The following UBR2 variants were observed in gnomAD, a reference collection of about 807,000 sequenced individuals.
The protein encoded by UBR2 is E3 ubiquitin-protein ligase UBR2.
Under a neutral mutation model 247.9 loss-of-function variants are expected in UBR2, and 92 were observed. The observed-to-expected ratio is 0.37, with a 90% CI of 0.31 to 0.44. The LOEUF (loss-of-function observed/expected upper bound fraction) is 0.44, where lower values mean the gene tolerates loss of function less well. Ranked by LOEUF, UBR2 falls within the 20% of genes least tolerant of loss-of-function variation. The pLI, the probability that UBR2 is intolerant of heterozygous loss-of-function variation, is 1.00. For synonymous variants in UBR2, 672 were observed against 693.5 expected, an observed-to-expected ratio of 0.97 and a Z score of 0.49; for missense variants, 1,613 against 2,112.6, an observed-to-expected ratio of 0.76 and a Z score of 4.64.
intron 36 of UBR2, 109 bp downstream of exon 36, chr6:42,670,824 C>G: frequency 1.3e-6 from 1 of 783,016 alleles, no homozygotes; most frequent in Non-Finnish European, 2.0e-6. Context: ...TCACTTCTTT[C>G]GTAGTAAAAA....
At chr6:42,664,586 A>G (rs563027886) in intron 32 of UBR2, among the ~76,000 whole-genome samples, 2 of 152,336 alleles carry the variant, frequency 1.3e-5, no homozygotes, top group African/African-American at 2.4e-5. Flanking sequence ...TTCTTAGTCT[A>G]TGCTACCACA....
chr6:42,639,140 G>A (rs1431552213), intron 15 of UBR2, among the ~76,000 whole-genome samples: 1 of 152,200 alleles, frequency 6.6e-6, no homozygotes, highest in Non-Finnish European at 1.5e-5. Context: ...TACAAATGGA[G>A]CAGTAAATGT....
chr6:42,628,508 G>T (rs1187240196), intron 11 of UBR2, among the ~76,000 whole-genome samples: 1 of 152,114 alleles, frequency 6.6e-6, no homozygotes, highest in African/African-American at 2.4e-5. Context: ...GATCACTTGA[G>T]GTCAGGAGTT....
intron 25 of UBR2, among the ~76,000 whole-genome samples, chr6:42,654,702 A>T (rs1224786203): frequency 6.6e-6 from 1 of 152,242 alleles, no homozygotes; most frequent in South Asian, 2.1e-4. Context: ...AGCCTGGGCA[A>T]CAGAGGGAGA....
At chr6:42,685,115 C>A (rs1045252326) in intron 44 of UBR2, among the ~76,000 whole-genome samples, 1 of 152,226 alleles carries the variant, frequency 6.6e-6, no homozygotes. Context: ...GGAGTTCCAG[C>A]CTGGCCAAAC....
At chr6:42,620,189 C>G (rs766985093) in intron 11 of UBR2, 57 of 257,732 alleles carry the variant, frequency 2.2e-4, no homozygotes, top group Non-Finnish European at 3.0e-4. Context: ...TTTTACCAGT[C>G]TTTTAAGATT....
Position 42,564,419 on chromosome 6 carries a change from G to C in UBR2, c.78+22G>C, listed in dbSNP as rs138911007. ...GGGGGTGAGTGCCGGAACCCGGGCG[G>C]GTGCGTCTGCCCCTCGCAGGCCGCG... On this transcript the variant is annotated intron_variant, in intron 1 of 46. Transcript: ENST00000372901. The C allele has an allele frequency of 7.2e-4, 1,148 of 1,603,126 alleles. 4 individuals carry two copies. In the African/African-American group the frequency reaches 0.014, roughly 19 times the overall value.
At chr6:42,593,235 T>G (rs1430515518) in intron 3 of UBR2, among the ~76,000 whole-genome samples, 1 of 152,092 alleles carries the variant, frequency 6.6e-6, no homozygotes, top group African/African-American at 2.4e-5. Flanking sequence ...TATTCTTGTC[T>G]GTTCATTAGT....
rs571084557 is a variant in UBR2 at position 42,689,307 on chromosome 6, C to T, written c.5025-262C>T. On this transcript the variant is annotated intron_variant, in intron 45 of 46. Transcript: ENST00000372901. The surrounding 1 kb of genome is among the most constrained non-coding windows in gnomAD (Gnocchi z 4.0). Reference sequence around the variant, plus strand: ...CCCAGTACCTTGATAATTTCTTATACGTATTAGGTCCTCAATAAATGTCTG... The same window carrying T: ...CCCAGTACCTTGATAATTTCTTATATGTATTAGGTCCTCAATAAATGTCTG... Among the ~76,000 whole-genome samples the T allele has an allele frequency of 2.6e-5, 4 of 152,274 alleles. No homozygotes were observed. The South Asian group carries it at 6.2e-4, about 24-fold the overall frequency.
intron 8 of UBR2, among the ~76,000 whole-genome samples, chr6:42,614,217 TACACAC>T (rs576036792): frequency 0.09 from 5,523 of 61,706 alleles, 635 homozygotes; most frequent in Non-Finnish European, 0.14. Flanking sequence ...TATATATATA[TACACAC>T]ACACACACAC....
chr6:42,594,265 A>G lies in UBR2; in HGVS notation c.492A>G (p.Gln164=). ...CCTGGAAAGAGGGTCCTTACTGTCA[A>G]AAACATGAACTTAACACCTCTGAAA... ...TEAWKEGPYC[Q]KHELNTSEIE... Residue 164 remains glutamine, a synonymous_variant, in exon 4 of 47, where the codon CAA becomes CAG. Coordinates refer to ENST00000372901, the MANE Select transcript of UBR2 (RefSeq NM_001363705.2). 1 of 1,613,074 alleles carries G rather than the reference A, an allele frequency of 6.2e-7. No homozygotes were observed. Among genetic ancestry groups the G allele is most frequent in the Non-Finnish European group, 8.5e-7 (1 of 1,179,278 alleles).
intron 25 of UBR2, among the ~76,000 whole-genome samples, 156 bp from the exon 26 acceptor site, chr6:42,655,465 A>AG (rs1797389074): frequency 6.6e-6 from 1 of 151,930 alleles, no homozygotes; most frequent in East Asian, 1.9e-4. Context: ...AAAAAAAAAA[A>AG]AGAAAAAAAA....
intron 25 of UBR2, among the ~76,000 whole-genome samples, chr6:42,653,142 T>C (rs1378840852): frequency 6.6e-6 from 1 of 152,230 alleles, no homozygotes; most frequent in Non-Finnish European, 1.5e-5. Flanking sequence ...TGGAGTGCAG[T>C]GGTGCAATCT....
intron 2 of UBR2, among the ~76,000 whole-genome samples, chr6:42,587,835 G>C (rs370811725): frequency 6.6e-6 from 1 of 150,754 alleles, no homozygotes; most frequent in African/African-American, 2.5e-5. Flanking sequence ...GAATGTGCCC[G>C]ATCTCATCTG....
chr6:42,622,405 G>GTTTTTTTTTTTTTTTTTTTTTTTTTT (rs112798050), intron 11 of UBR2, among the ~76,000 whole-genome samples: 1 of 138,778 alleles, frequency 7.2e-6, no homozygotes, highest in East Asian at 2.1e-4. Flanking sequence ...TTTTTGGTGG[G>GTTTTTTTTTTTTTTTTTTTTTTTTTT]TTTTTTTTTT....
At chr6:42,635,676 C>T in intron 14 of UBR2, 130 bp downstream of exon 14, 3 of 1,096,436 alleles carry the variant, frequency 2.7e-6, no homozygotes, top group Non-Finnish European at 3.8e-6. Context: ...AGCGTATTTT[C>T]CTTCTCCACC....
In UBR2 at chr6:42,659,540, C is replaced by CACACACACACACACACACACT. The variant is rs1797668426; in HGVS notation, c.3243-96_3243-95insTACACACACACACACACACAC. On this transcript the variant is annotated intron_variant, in intron 29 of 46. Coordinates refer to ENST00000372901, the MANE Select transcript of UBR2 (RefSeq NM_001363705.2). The surrounding 1 kb of genome is among the most constrained non-coding windows in gnomAD (Gnocchi z 4.3). ...ATATATACACACACACACACACACA[C>CACACACACACACACACACACT]ACACACACACACACACACACACTAC... is the stretch of plus-strand genomic sequence containing the variant. 1 of 685,284 alleles carries CACACACACACACACACACACT rather than the reference C, an allele frequency of 1.5e-6. No individual in the cohort carries two copies. Among genetic ancestry groups the CACACACACACACACACACACT allele is most frequent in the African/African-American group, 1.9e-5 (1 of 52,672 alleles). The allele number at this position is 685,284 out of a possible 1,614,324, so 42.5% of individuals were successfully genotyped here. A position where few individuals can be genotyped will look rare whatever the true frequency, so the allele number is the denominator to read the frequency against.
chr6:42,683,898 A>G (rs1799199338), intron 43 of UBR2, among the ~76,000 whole-genome samples: 1 of 152,242 alleles, frequency 6.6e-6, no homozygotes, highest in African/African-American at 2.4e-5. Context: ...AGCATCTCAG[A>G]TAAGGGATAC....
intron 4 of UBR2, 96 bp downstream of exon 4, chr6:42,594,400 C>CTAT: frequency 5.6e-6 from 5 of 900,860 alleles, no homozygotes; most frequent in Non-Finnish European, 8.6e-6. Flanking sequence ...GCAAATAGTA[C>CTAT]TTCCACTATT....
Sources: gnomAD v4.1 joint callset for allele counts (sites outside exome capture counted in the v4.1 genomes callset) on GRCh38, gnomAD v4.1.1 for gene constraint, Gnocchi (gnomAD v3.1) non-coding constraint, MANE v1.5 for transcripts, NCBI Gene and HGNC (gene_info 2026-07-23, HGNC 2026-07-21) for gene names.